Variants in CPQ observed in about 807,000 individuals in gnomAD.
CPQ encodes the protein carboxypeptidase Q.
A neutral mutation model predicts 45.7 loss-of-function variants in CPQ; 37 were observed. The observed-to-expected ratio is 0.81, with a 90% CI of 0.62 to 1.07. The LOEUF (loss-of-function observed/expected upper bound fraction) is 1.07. Ranked by LOEUF, CPQ falls within the 50% of genes least tolerant of loss-of-function variation. The probability of loss-of-function intolerance (pLI) is 0.00; values close to 1 mark genes in which losing one functional copy is unlikely to be tolerated. For missense variants in CPQ, 537 were observed against 572.9 expected, an observed-to-expected ratio of 0.94 and a Z score of 0.64; for synonymous variants, 186 against 205.8, an observed-to-expected ratio of 0.90 and a Z score of 0.82.
chr8:96,881,389 A>C (rs13280839), intron 4 of CPQ, among the ~76,000 whole-genome samples: 7,986 of 152,172 alleles, frequency 0.052, 326 homozygotes, highest in Non-Finnish European at 0.075. Flanking sequence ...ACACACTTTT[A>C]AACAACCAGA....
intron 1 of CPQ, among the ~76,000 whole-genome samples, chr8:96,773,651 A>G (rs546431959): frequency 6.6e-5 from 10 of 152,338 alleles, no homozygotes; most frequent in Admixed American, 5.2e-4. Flanking sequence ...TGCTGCTATA[A>G]CAAAATACCT....
At chr8:96,665,498 C>T (rs778980601) in intron 1 of CPQ, among the ~76,000 whole-genome samples, 1 of 152,192 alleles carries the variant, frequency 6.6e-6, no homozygotes, top group South Asian at 2.1e-4. Context: ...GTTTCCTTAA[C>T]AGAAAGAGGG....
intron 4 of CPQ, among the ~76,000 whole-genome samples, chr8:96,933,215 G>A (rs1403866653): frequency 1.3e-5 from 2 of 152,120 alleles, no homozygotes; most frequent in Non-Finnish European, 2.9e-5. Flanking sequence ...CTTTCAGTAG[G>A]CCCCAGCAAG....
chr8:96,737,235 AC>A (rs1188812094), intron 1 of CPQ, among the ~76,000 whole-genome samples: 1 of 142,742 alleles, frequency 7.0e-6, no homozygotes, highest in African/African-American at 2.8e-5. Context: ...TAAGATACAC[AC>A]ACACACACAC....
intron 7 of CPQ, among the ~76,000 whole-genome samples, chr8:97,085,613 T>C (rs1389226497): frequency 6.6e-6 from 1 of 152,186 alleles, no homozygotes; most frequent in Non-Finnish European, 1.5e-5. Context: ...CCTATTTTCA[T>C]CCAAATATTT....
intron 2 of CPQ, among the ~76,000 whole-genome samples, chr8:96,803,602 A>G (rs1456120754): frequency 6.6e-6 from 1 of 152,158 alleles, no homozygotes; most frequent in Non-Finnish European, 1.5e-5. Context: ...CAATACACTG[A>G]ACCTTTTGAG....
chr8:97,072,245 T>C (rs1810756417), intron 7 of CPQ, among the ~76,000 whole-genome samples: 2 of 152,118 alleles, frequency 1.3e-5, no homozygotes, highest in Non-Finnish European at 2.9e-5. Flanking sequence ...TGGGATTCTT[T>C]AGGGAAAAGA....
Position 96,837,178 on chromosome 8 carries a change from TAAA to T in CPQ, c.641+2001_641+2003del, listed in dbSNP as rs367561391. ...TGTTTAAGTTTTGCATCCTAAGAAA[TAAA>T]AACGAAAATAAAATGAGATAAACTA... On this transcript the variant is annotated intron_variant, in intron 3 of 7. Coordinates refer to ENST00000220763, the MANE Select transcript of CPQ (RefSeq NM_016134.4). Among the ~76,000 whole-genome samples the T allele has an allele frequency of 1.7e-3, 253 of 152,290 alleles. 6 individuals carry two copies. The East Asian group carries it at 0.031, about 18-fold the overall frequency.
At chr8:96,974,206 G>A (rs916712219) in intron 5 of CPQ, among the ~76,000 whole-genome samples, 4 of 152,064 alleles carry the variant, frequency 2.6e-5, no homozygotes, top group Non-Finnish European at 5.9e-5. Context: ...CACCAAAAGC[G>A]AGCAGGTGTA....
chr8:97,118,415 A>G (rs1370076529), intron 7 of CPQ, among the ~76,000 whole-genome samples: 1 of 152,086 alleles, frequency 6.6e-6, no homozygotes, highest in African/African-American at 2.4e-5. Context: ...ATAGGTAGGA[A>G]TTTCCCATGG....
At chr8:96,680,101 T>C (rs1365776124) in intron 1 of CPQ, among the ~76,000 whole-genome samples, 1 of 152,222 alleles carries the variant, frequency 6.6e-6, no homozygotes, top group Non-Finnish European at 1.5e-5. Context: ...TCGAATAGGT[T>C]CTGGTATGTT....
chr8:97,114,671 G>A (rs1172466600), intron 7 of CPQ, among the ~76,000 whole-genome samples: 2 of 152,044 alleles, frequency 1.3e-5, no homozygotes, highest in African/African-American at 2.4e-5. Flanking sequence ...GACTCACCAC[G>A]GTCTTGTCAG....
intron 1 of CPQ, among the ~76,000 whole-genome samples, chr8:96,696,981 A>G (rs987132283): frequency 1.3e-5 from 2 of 152,200 alleles, no homozygotes; most frequent in African/African-American, 4.8e-5. Context: ...AGTCCAAAAA[A>G]TAGAGGAGGA....
chr8:96,848,785 A>T (rs894155217), intron 3 of CPQ, among the ~76,000 whole-genome samples: 3 of 152,208 alleles, frequency 2.0e-5, no homozygotes, highest in Non-Finnish European at 4.4e-5. Flanking sequence ...ACAATGAATG[A>T]ACATCATTCC....
chr8:96,751,176 G>A (rs1810253984), intron 1 of CPQ, among the ~76,000 whole-genome samples: 1 of 152,108 alleles, frequency 6.6e-6, no homozygotes, highest in Admixed American at 6.6e-5. Flanking sequence ...CGGATCAAAT[G>A]GCATTTCTGC....
chr8:97,014,456 G>A (rs888244975), intron 5 of CPQ, among the ~76,000 whole-genome samples: 1 of 151,984 alleles, frequency 6.6e-6, no homozygotes, highest in Non-Finnish European at 1.5e-5. Context: ...TTCAAGACAA[G>A]CCTGGCAAAC....
At chr8:97,053,304 A>C (rs1037461890) in intron 6 of CPQ, among the ~76,000 whole-genome samples, 1 of 152,226 alleles carries the variant, frequency 6.6e-6, no homozygotes, top group African/African-American at 2.4e-5. Context: ...TGGATAAATA[A>C]GTAAAATTGT....
chr8:96,725,841 C>T (rs1178217344), intron 1 of CPQ, among the ~76,000 whole-genome samples: 2 of 152,106 alleles, frequency 1.3e-5, no homozygotes, highest in African/African-American at 4.8e-5. Flanking sequence ...ACCTAGGTGC[C>T]CATCATTGGT....
At chr8:96,841,450 G>A (rs1811607414) in intron 3 of CPQ, among the ~76,000 whole-genome samples, 1 of 152,126 alleles carries the variant, frequency 6.6e-6, no homozygotes, top group Admixed American at 6.5e-5. Flanking sequence ...CTCTACTGAG[G>A]CCAAACTGTT....
Sources: allele counts gnomAD v4.1 joint callset (sites outside exome capture counted in the v4.1 genomes callset), GRCh38; gene constraint gnomAD v4.1.1; transcripts MANE v1.5; gene names NCBI Gene and HGNC (gene_info 2026-07-23, HGNC 2026-07-21).